Variants in SHANK2 observed in about 807,000 individuals in gnomAD.
SHANK2 encodes SH3 and multiple ankyrin repeat domains protein 2.
SHANK2 carries 43 observed loss-of-function variants against 133.7 expected under a neutral mutation model. The ratio of observed to expected loss-of-function variants is 0.32; its 90% CI spans 0.25 to 0.41. The LOEUF is 0.41. Ranked by LOEUF, SHANK2 falls within the 10% of genes least tolerant of loss-of-function variation. SHANK2 has a pLI of 1.00. For synonymous variants in SHANK2, 1,017 were observed against 952.8 expected (o/e 1.07, Z -1.24); for missense variants, 1,994 against 2,235.8 (o/e 0.89, Z 2.18).
At chr11:70,793,617 C>T (rs1037603566) in intron 14 of SHANK2, among the ~76,000 whole-genome samples, 6 of 152,162 alleles carry the variant, frequency 3.9e-5, no homozygotes, top group African/African-American at 1.2e-4. Flanking sequence ...ATGCAAATTA[C>T]ACCCACAATA....
At chr11:71,088,373 C>T (rs1164547792) in intron 8 of SHANK2, among the ~76,000 whole-genome samples, 2 of 152,204 alleles carry the variant, frequency 1.3e-5, no homozygotes, top group African/African-American at 4.8e-5. Flanking sequence ...ACTCATCACA[C>T]CTGAACACAC....
chr11:70,596,985 T>C (rs782626081), intron 17 of SHANK2, among the ~76,000 whole-genome samples: 1 of 152,132 alleles, frequency 6.6e-6, no homozygotes, highest in Non-Finnish European at 1.5e-5. Context: ...CAAAGCTGCA[T>C]ACTTGTGCAC....
At chr11:70,572,595 C>T (rs2060059364) in intron 17 of SHANK2, among the ~76,000 whole-genome samples, 1 of 152,174 alleles carries the variant, frequency 6.6e-6, no homozygotes, top group Admixed American at 6.5e-5. Flanking sequence ...CCCTCTGTTC[C>T]CCACAACATT....
intron 2 of SHANK2, among the ~76,000 whole-genome samples, chr11:71,206,219 A>ACAGG (rs1954123611): frequency 6.6e-6 from 1 of 152,206 alleles, no homozygotes; most frequent in Non-Finnish European, 1.5e-5. Flanking sequence ...CCCTCTCCGG[A>ACAGG]CAGGCACACA....
At chr11:70,737,259 G>A (rs543229730) in intron 14 of SHANK2, among the ~76,000 whole-genome samples, 14 of 152,230 alleles carry the variant, frequency 9.2e-5, no homozygotes, top group South Asian at 4.1e-4. Context: ...GCATCCTCCC[G>A]TTTCAATGTT....
At chr11:70,515,637 G>GAA (rs58440823) in intron 17 of SHANK2, among the ~76,000 whole-genome samples, 19,146 of 79,686 alleles carry the variant, frequency 0.24, 2,822 homozygotes, top group Middle Eastern at 0.34. Flanking sequence ...CTCGTTCCTT[G>GAA]AAAAAAAAAA....
chr11:70,876,455 G>A (rs1014545215), intron 11 of SHANK2, among the ~76,000 whole-genome samples: 9 of 151,530 alleles, frequency 5.9e-5, no homozygotes, highest in Non-Finnish European at 1.2e-4. Context: ...AGCTACTCGG[G>A]AGGCTGAGGC....
chr11:70,721,458 G>A (rs1311953105), intron 14 of SHANK2, among the ~76,000 whole-genome samples: 2 of 152,244 alleles, frequency 1.3e-5, no homozygotes, highest in Non-Finnish European at 2.9e-5. Flanking sequence ...TCCACCACAG[G>A]GAATTGTAGG....
chr11:70,714,411 C>T (rs1555026813), intron 14 of SHANK2, among the ~76,000 whole-genome samples: 1 of 152,186 alleles, frequency 6.6e-6, no homozygotes, highest in Non-Finnish European at 1.5e-5. Context: ...AACTGCAAGG[C>T]CTTATCTTGT....
intron 6 of SHANK2, among the ~76,000 whole-genome samples, chr11:71,104,476 C>T (rs1358123046): frequency 3.3e-5 from 5 of 152,186 alleles, no homozygotes; most frequent in Non-Finnish European, 1.5e-5. Context: ...TTATGCTCTG[C>T]CTTGACAGAA....
At position 70,830,381 on chromosome 11, in the gene SHANK2, G is replaced by A. The variant is rs1555058082; in HGVS notation, c.1175-9699C>T. Among the ~76,000 whole-genome samples, 5 of 152,132 alleles carry A rather than the reference G, an allele frequency of 3.3e-5. No individual in the cohort carries two copies. The highest frequency in any genetic ancestry group is 4.4e-5 in the Non-Finnish European group (3 of 68,032). On this transcript the variant is annotated intron_variant, in intron 11 of 25. Coordinates refer to ENST00000601538, the MANE Select transcript of SHANK2 (RefSeq NM_012309.5). The surrounding 1 kb of genome is among the most constrained non-coding windows in gnomAD (Gnocchi z 4.4). The stretch of plus-strand genomic sequence containing the variant: ...GGCCCTCCCAGAAATCCACACTTGG[G>A]GTTATTGCAGGAGACGAGCTCACCC...
intron 11 of SHANK2, among the ~76,000 whole-genome samples, chr11:70,852,000 C>T (rs1007199751): frequency 6.6e-6 from 1 of 152,236 alleles, no homozygotes; most frequent in Non-Finnish European, 1.5e-5. Flanking sequence ...TTCCCACCTA[C>T]TCCTGAAAGC....
At chr11:70,748,240 C>A (rs528575346) in intron 14 of SHANK2, among the ~76,000 whole-genome samples, 6 of 152,304 alleles carry the variant, frequency 3.9e-5, no homozygotes, top group East Asian at 1.9e-4. Context: ...AAACCCTGAA[C>A]TGAGGAGGCC....
intron 10 of SHANK2, among the ~76,000 whole-genome samples, chr11:70,955,548 T>C (rs1230602565): frequency 6.6e-6 from 1 of 152,166 alleles, no homozygotes; most frequent in African/African-American, 2.4e-5. Flanking sequence ...GTGTGTACTT[T>C]ACGTGTGTAT....
At chr11:71,061,978 T>C (rs1424182711) in intron 9 of SHANK2, among the ~76,000 whole-genome samples, 2 of 147,154 alleles carry the variant, frequency 1.4e-5, no homozygotes, top group Non-Finnish European at 3.0e-5. Flanking sequence ...TTTCTTTTTT[T>C]TTTTTTTTTT....
chr11:71,060,271 C>T (rs1258774481), intron 9 of SHANK2, among the ~76,000 whole-genome samples: 1 of 152,202 alleles, frequency 6.6e-6, no homozygotes, highest in Non-Finnish European at 1.5e-5. Context: ...TGGCAAAAAA[C>T]CATCCAGCCC....
At chr11:71,073,373 G>A (rs1222789034) in intron 9 of SHANK2, among the ~76,000 whole-genome samples, 1 of 151,616 alleles carries the variant, frequency 6.6e-6, no homozygotes, top group Non-Finnish European at 1.5e-5. Context: ...TGGCCAGGCT[G>A]GTCTTGAACT....
At chr11:70,811,499 G>A (rs180683758) in intron 12 of SHANK2, among the ~76,000 whole-genome samples, 1 of 151,956 alleles carries the variant, frequency 6.6e-6, no homozygotes, top group African/African-American at 2.4e-5. Context: ...AGGCCTCCTT[G>A]CCCAAATACC....
rs1951396066 is a variant in SHANK2, at chr11:71,085,945, GTTATATATATTATGTTATATA to G, written c.912+6456_912+6476del. On this transcript the variant is annotated intron_variant, in intron 8 of 25. Transcript: ENST00000601538. The stretch of plus-strand genomic sequence containing the variant: ...ATAATAAATTGTTATATATTAATAT[GTTATATATATTATGTTATATA>G]TTATATATATTATGTTATATATTAT... 5.8e-3 allele frequency among the ~76,000 whole-genome samples: 53 copies of G among 9,186 alleles called. 1 individual carries two copies. The highest frequency in any genetic ancestry group is 9.1e-3 in the African/African-American group (48 of 5,264). 6.0% of individuals were successfully genotyped at this position (9,186 alleles called of 152,430 possible).
Sources: allele counts gnomAD v4.1 joint callset (sites outside exome capture counted in the v4.1 genomes callset), GRCh38; gene constraint gnomAD v4.1.1; non-coding constraint Gnocchi (gnomAD v3.1); transcripts MANE v1.5; gene names NCBI Gene and HGNC (gene_info 2026-07-23, HGNC 2026-07-21).